The following HIPK3 variants were observed in gnomAD, a reference collection of about 807,000 sequenced individuals.
HIPK3 encodes the protein homeodomain-interacting protein kinase 3.
A neutral mutation model predicts 124.2 loss-of-function variants in HIPK3; 47 were observed. The observed-to-expected ratio is 0.38, with a 90% CI of 0.30 to 0.48. The LOEUF is 0.48. Among genes scored for constraint, HIPK3 ranks in the 20% least tolerant of loss-of-function variants. The pLI, the probability that HIPK3 is intolerant of heterozygous loss-of-function variation, is 0.98. For synonymous variants in HIPK3, 482 were observed against 515.2 expected, an observed-to-expected ratio of 0.94 and a Z score of 0.87; for missense variants, 1,286 against 1,454.3, an observed-to-expected ratio of 0.88 and a Z score of 1.88.
At chr11:33,301,412 T>C (rs1241550972) in intron 2 of HIPK3, among the ~76,000 whole-genome samples, 1 of 152,204 alleles carries the variant, frequency 6.6e-6, no homozygotes, top group East Asian at 1.9e-4. Context: ...TATTTGTTTC[T>C]GTTTGTATTC....
Position 33,351,640 on chromosome 11 carries a change from A to G in HIPK3, c.2840A>G (p.Asp947Gly). 1 of 1,614,200 alleles carries G rather than the reference A, an allele frequency of 6.2e-7. No homozygotes were observed. The highest frequency in any genetic ancestry group is 8.5e-7 in the Non-Finnish European group (1 of 1,180,004). Residue 947 changes from aspartate (D) to glycine (G), a missense_variant, in exon 15 of 17, where the codon GAT (aspartate) becomes GGT (glycine). Around this residue, in one of 3 missense-constraint regions of HIPK3, gnomAD observed 810 missense variants for 864.9 expected, o/e 0.94. Transcript: ENST00000303296. ...MSDEEQESSC[D>G]TVDGSPTSDS... is the part of the protein sequence containing the mutation. ...GATGAAGAGCAAGAAAGTAGTTGTGATACGGTGGATGGCTCTCCGACATCT... is the reference window on the plus strand; with the variant it reads ...GATGAAGAGCAAGAAAGTAGTTGTGGTACGGTGGATGGCTCTCCGACATCT...
Position 33,348,550 on chromosome 11 carries a change from C to T in HIPK3, c.2398C>T (p.Pro800Ser), listed in dbSNP as rs1341216664. 5 of 1,612,486 alleles carry T rather than the reference C, an allele frequency of 3.1e-6. No homozygotes were observed. Among genetic ancestry groups the T allele is most frequent in the Admixed American group, 1.7e-5 (1 of 59,986 alleles). Reference protein sequence around the residue: ...WSNSLQNTNIPHSAFISPKII... With the variant: ...WSNSLQNTNISHSAFISPKII... The stretch of plus-strand genomic sequence containing the variant: ...TAATTCATTACAGAATACCAATATC[C>T]CACATTCAGCATTTATTTCTCCAAA... Residue 800 changes from proline to serine, a missense_variant, in exon 13 of 17, where the codon CCA (proline) becomes TCA (serine). By Grantham distance (74) the Pro-to-Ser change is moderately conservative. Around this residue, in one of 3 missense-constraint regions of HIPK3, gnomAD observed 810 missense variants for 864.9 expected, o/e 0.94. Transcript: ENST00000303296.
At chr11:33,266,240 C>T (rs2133867551) in intron 1 of HIPK3, among the ~76,000 whole-genome samples, 1 of 151,428 alleles carries the variant, frequency 6.6e-6, no homozygotes, top group South Asian at 2.1e-4. Flanking sequence ...TATATGTGCA[C>T]CTAAGTTAGA....
At position 33,354,269 on chromosome 11, in the gene HIPK3, T is replaced by G. The variant is rs1393083010; in HGVS notation, c.*701T>G. On this transcript the variant is annotated 3_prime_UTR_variant, in exon 17 of 17. Transcript: ENST00000303296. ...TGGTATGATTTCAGGTAGTAGCTGT[T>G]TTTTTCCTTATTAAGAGGGCAGCAT... 1 of 152,656 alleles carries G rather than the reference T, an allele frequency of 6.6e-6. No individual in the cohort carries two copies. The highest frequency in any genetic ancestry group is 1.5e-5 in the Non-Finnish European group (1 of 68,040). 9.5% of individuals were successfully genotyped at this position (152,656 alleles called of 1,614,324 possible).
At chr11:33,327,955 C>G (rs1307910134) in intron 2 of HIPK3, among the ~76,000 whole-genome samples, 1 of 152,164 alleles carries the variant, frequency 6.6e-6, no homozygotes, top group Non-Finnish European at 1.5e-5. Context: ...TTGTTATATG[C>G]TGTATACTTG....
chr11:33,312,905 A>C (rs1353221373), intron 2 of HIPK3, among the ~76,000 whole-genome samples: 1 of 152,194 alleles, frequency 6.6e-6, no homozygotes, highest in Non-Finnish European at 1.5e-5. Flanking sequence ...GACGTTTACA[A>C]TTCACATAAG....
At chr11:33,346,377 A>G (rs1853493166) in intron 8 of HIPK3, among the ~76,000 whole-genome samples, 1 of 152,188 alleles carries the variant, frequency 6.6e-6, no homozygotes, top group African/African-American at 2.4e-5. Context: ...CGGAAACCTT[A>G]GTTTTATCAT....
At chr11:33,342,303 G>A (rs1395687585) in intron 8 of HIPK3, among the ~76,000 whole-genome samples, 1 of 151,898 alleles carries the variant, frequency 6.6e-6, no homozygotes, top group East Asian at 1.9e-4. Context: ...CCTATACTGG[G>A]TATCACTGTT....
chr11:33,283,469 G>GTC (rs1851466167), intron 1 of HIPK3, among the ~76,000 whole-genome samples: 1 of 152,150 alleles, frequency 6.6e-6, no homozygotes, highest in African/African-American at 2.4e-5. Flanking sequence ...GTCTTAATTT[G>GTC]TCTAGTAAGG....
intron 2 of HIPK3, among the ~76,000 whole-genome samples, chr11:33,288,422 T>C (rs1426247631): frequency 6.6e-6 from 1 of 152,146 alleles, no homozygotes; most frequent in Admixed American, 6.5e-5. Context: ...GCCATTGCAC[T>C]CCAGCCTGGG....
rs145892570 is a variant in HIPK3, at chr11:33,334,740, C to T, written c.1222-2335C>T. The stretch of plus-strand genomic sequence containing the variant: ...ACCTCATGCAGCCCCTGGGCCGGGA[C>T]TTCTGGTTGGACAAGCTTGCTCTAG... On this transcript the variant is annotated intron_variant, in intron 3 of 16. Transcript: ENST00000303296. Among the ~76,000 whole-genome samples, 1,374 of 152,142 alleles carry T rather than the reference C, an allele frequency of 9.0e-3. 24 individuals are homozygous for T. Among genetic ancestry groups the T allele is most frequent in the African/African-American group, 0.031 (1,290 of 41,486 alleles).
At chr11:33,281,218 C>T (rs1224245281) in intron 1 of HIPK3, among the ~76,000 whole-genome samples, 6 of 151,874 alleles carry the variant, frequency 4.0e-5, no homozygotes, top group South Asian at 2.1e-4. Flanking sequence ...TACAGGCGTG[C>T]GCCACCACAC....
intron 2 of HIPK3, among the ~76,000 whole-genome samples, chr11:33,314,826 CTGT>C (rs1335367898): frequency 6.6e-6 from 1 of 152,162 alleles, no homozygotes; most frequent in African/African-American, 2.4e-5. Flanking sequence ...TTATGAGCCT[CTGT>C]TGGTGTTTTA....
chr11:33,353,613 A>C lies in HIPK3; in HGVS notation c.*45A>C, dbSNP rs1459904276. On this transcript the variant is annotated 3_prime_UTR_variant, in exon 17 of 17. Transcript: ENST00000303296. ...GCTCAATGATACAAACATTTGATTA[A>C]AAATAAAAACATGGTATTTAATATT... The C allele has an allele frequency of 3.1e-6, 4 of 1,273,966 alleles. No homozygotes were observed. Among genetic ancestry groups the C allele is most frequent in the Non-Finnish European group, 4.5e-6 (4 of 884,982 alleles). The allele number at this position is 1,273,966 out of a possible 1,614,324, so 78.9% of individuals were successfully genotyped here. A position where few individuals can be genotyped will look rare whatever the true frequency, so the allele number is the denominator to read the frequency against.
rs1850699731 is a variant in HIPK3, at chr11:33,257,582, C to T, written c.-310C>T. The T allele has an allele frequency of 1.0e-6, 1 of 986,136 alleles. No individual in the cohort carries two copies. Among genetic ancestry groups the T allele is most frequent in the Non-Finnish European group, 1.2e-6 (1 of 830,298 alleles). The allele number at this position is 986,136 out of a possible 1,614,324, so 61.1% of individuals were successfully genotyped here. ...TAGCCGGAGGCCGACCGGCCTCCCA[C>T]TACCCCTCGCCCTAGCCAAGCCGTC... On this transcript the variant is annotated 5_prime_UTR_variant, in exon 1 of 17. Transcript: ENST00000303296.
intron 2 of HIPK3, among the ~76,000 whole-genome samples, chr11:33,318,985 TCCCA>T (rs1852585281): frequency 6.6e-6 from 1 of 152,228 alleles, no homozygotes; most frequent in Admixed American, 6.5e-5. Context: ...TAAATTCCAG[TCCCA>T]CCACTTTCTG....
intron 1 of HIPK3, among the ~76,000 whole-genome samples, chr11:33,264,595 G>A (rs1252304505): frequency 1.3e-5 from 2 of 152,120 alleles, no homozygotes; most frequent in Admixed American, 6.6e-5. Context: ...CAAGAAAATT[G>A]TCTTAAGGAT....
intron 2 of HIPK3, among the ~76,000 whole-genome samples, chr11:33,321,990 A>C (rs1214115645): frequency 6.6e-6 from 1 of 151,792 alleles, no homozygotes; most frequent in Non-Finnish European, 1.5e-5. Flanking sequence ...TACATTCCCA[A>C]CTTTTTATTT....
intron 12 of HIPK3, 31 bp from the exon 13 acceptor site, chr11:33,348,491 T>C: frequency 6.6e-7 from 1 of 1,522,392 alleles, no homozygotes; most frequent in Non-Finnish European, 9.0e-7. Flanking sequence ...ATTTTGATTA[T>C]AGAAATTATA....
Sources: allele counts gnomAD v4.1 joint callset (sites outside exome capture counted in the v4.1 genomes callset), GRCh38; gene constraint gnomAD v4.1.1; regional missense constraint gnomAD v4.1.1; transcripts MANE v1.5; gene names NCBI Gene and HGNC (gene_info 2026-07-23, HGNC 2026-07-21).